Variants in UNC45A observed in about 807,000 individuals in gnomAD.
UNC45A encodes the protein unc-45 myosin chaperone A.
A neutral mutation model predicts 103.2 loss-of-function variants in UNC45A; 78 were observed. That is an observed-to-expected ratio of 0.76 (90% CI 0.63 to 0.91). The LOEUF is 0.91. UNC45A is among the 40% of genes least tolerant of loss of function. UNC45A has a pLI of 0.00. For synonymous variants in UNC45A, 495 were observed against 504.6 expected, an observed-to-expected ratio of 0.98 and a Z score of 0.25; for missense variants, 1,193 against 1,224.8, an observed-to-expected ratio of 0.97 and a Z score of 0.39.
chr15:90,937,487 A>ATTTTTT (rs768059313), intron 4 of UNC45A, among the ~76,000 whole-genome samples: 2 of 148,728 alleles, frequency 1.3e-5, no homozygotes, highest in Non-Finnish European at 3.0e-5. Flanking sequence ...AAGGAAAATA[A>ATTTTTT]TTGTTTTTTT....
intron 8 of UNC45A, 135 bp from the exon 9 acceptor site, chr15:90,944,757 G>A: frequency 1.9e-6 from 2 of 1,039,980 alleles, no homozygotes; most frequent in Non-Finnish European, 2.7e-6. Context: ...GATTCTCCGG[G>A]CTGCCCTGGA....
intron 4 of UNC45A, among the ~76,000 whole-genome samples, chr15:90,939,347 G>A (rs144973028): frequency 2.6e-5 from 4 of 152,196 alleles, no homozygotes; most frequent in Admixed American, 6.5e-5. Flanking sequence ...ACTACCTCAC[G>A]ATCTGCCAGC....
At chr15:90,933,160 A>T (rs2035864304), upstream of UNC45A, 1 of 152,274 alleles carries the variant, frequency 6.6e-6, no homozygotes, top group Non-Finnish European at 1.5e-5. Flanking sequence ...GCTCCCAGGT[A>T]GCTGTGACGT....
At chr15:90,949,180 G>C (rs1408197972) in intron 13 of UNC45A, 136 bp from the exon 14 acceptor site, 2 of 1,304,058 alleles carry the variant, frequency 1.5e-6, no homozygotes, top group African/African-American at 2.9e-5. Context: ...CCAGCCAACA[G>C]CCTCCCTTTT....
chr15:90,949,286 G>A, intron 13 of UNC45A, 30 bp from the exon 14 acceptor site: 1 of 1,605,098 alleles, frequency 6.2e-7, no homozygotes, highest in Non-Finnish European at 8.5e-7. Flanking sequence ...GTCAGCCTAG[G>A]CCCCTCTCCT....
chr15:90,950,386 GGAGGACA>G, intron 16 of UNC45A, 107 bp from the exon 17 acceptor site: 1 of 1,464,510 alleles, frequency 6.8e-7, no homozygotes. Context: ...CCTGGGGCAG[GGAGGACA>G]GCCTGAGACA....
intron 17 of UNC45A, among the ~76,000 whole-genome samples, chr15:90,951,089 C>T (rs528853652): frequency 6.6e-6 from 1 of 152,276 alleles, no homozygotes; most frequent in African/African-American, 2.4e-5. Context: ...CTCACCGCAA[C>T]CTCTGCCTCC....
At chr15:90,932,008 C>T, upstream of UNC45A, 1 of 1,613,894 alleles carries the variant, frequency 6.2e-7, no homozygotes, top group Non-Finnish European at 8.5e-7. Context: ...CTGAATGGGG[C>T]CCCTAATCCC....
At chr15:90,950,725 C>T (rs556705616) in intron 17 of UNC45A, 110 bp downstream of exon 17, 2 of 1,053,766 alleles carry the variant, frequency 1.9e-6, no homozygotes, top group East Asian at 5.2e-5. Flanking sequence ...TTCTGTGAGC[C>T]TCACAGTGAC....
At chr15:90,931,619 G>A (rs1457340614), upstream of UNC45A, 4 of 1,613,698 alleles carry the variant, frequency 2.5e-6, no homozygotes, top group Non-Finnish European at 3.4e-6. Flanking sequence ...GAATGCCCAG[G>A]GTTTTTCAGG....
In UNC45A at chr15:90,942,906, T is replaced by C. The variant is rs200003513; in HGVS notation, c.857-6T>C. 176 of 1,600,388 alleles carry C rather than the reference T, an allele frequency of 1.1e-4. 1 individual carries two copies. In the South Asian group the frequency reaches 1.1e-3, roughly 10 times the overall value. ...GAGCCCACTGATGTCTTCTTGTTGTTGCCAGATCCTGCCCGGGAGCTGAAG... is the reference window on the plus strand; with the variant it reads ...GAGCCCACTGATGTCTTCTTGTTGTCGCCAGATCCTGCCCGGGAGCTGAAG... On this transcript the variant is annotated splice_region_variant and splice_polypyrimidine_tract_variant and intron_variant, in intron 7 of 19. Transcript: ENST00000418476.
At position 90,936,316 on chromosome 15, in the gene UNC45A, ACT is replaced by A; in HGVS notation, c.285_286del (p.Tyr96ProfsTer18). ...IEKDGGDVKA[L>X]YRRSQALEKL... is the part of the protein sequence containing the mutation. ...AAAAGGATGGTGGGGATGTCAAAGC[ACT>A]CTACCGGCGGAGCCAAGCCCTAGAG... On this transcript the variant is annotated frameshift_variant, in exon 4 of 20. Transcript: ENST00000418476. LOFTEE classifies it high-confidence loss of function. 6.2e-7 allele frequency: 1 copy of A among 1,613,566 alleles called. No homozygotes were observed. Among genetic ancestry groups the A allele is most frequent in the Non-Finnish European group, 8.5e-7 (1 of 1,179,846 alleles).
chr15:90,936,124 T>C lies in UNC45A; in HGVS notation c.250+142T>C, dbSNP rs1424339246. ...TTTCTTTCCCACTGCCTCGGGCCTT[T>C]CCTTTTCTGCAGCTACCCTCACCTT... On this transcript the variant is annotated intron_variant, in intron 3 of 19. Transcript: ENST00000418476. The C allele has an allele frequency of 6.0e-6, 9 of 1,509,352 alleles. No individual in the cohort carries two copies. In the East Asian group the frequency reaches 1.9e-4, roughly 31 times the overall value. The allele number at this position is 1,509,352 out of a possible 1,614,324, so 93.5% of individuals were successfully genotyped here.
chr15:90,943,986 GTTTTT>G (rs953436599), intron 8 of UNC45A, among the ~76,000 whole-genome samples: 4 of 78,320 alleles, frequency 5.1e-5, no homozygotes, highest in African/African-American at 1.0e-4. Flanking sequence ...ATTGTGCCCT[GTTTTT>G]TTTTTTTTTT....
upstream of UNC45A, chr15:90,934,708 G>A (rs2035916346): frequency 2.5e-6 from 1 of 398,104 alleles, no homozygotes; most frequent in South Asian, 1.4e-4. Flanking sequence ...CAATTACAAA[G>A]GAGAAGTTCA....
Position 90,953,241 on chromosome 15 carries a change from G to A in UNC45A, c.2508G>A (p.Arg836=). Residue 836 remains arginine, a synonymous_variant, in exon 19 of 20, where the codon CGG becomes CGA. Transcript: ENST00000418476. ...GAGAGGATGATGAGCTGCTACAGCGGGCAGCTGCCGGGGGCTTGGCCATGC... is the reference window on the plus strand; with the variant it reads ...GAGAGGATGATGAGCTGCTACAGCGAGCAGCTGCCGGGGGCTTGGCCATGC... ...YSGEDDELLQ[R]AAAGGLAMLT... is the part of the protein sequence containing the mutation. 6.2e-7 allele frequency: 1 copy of A among 1,613,716 alleles called. No individual in the cohort carries two copies.
At chr15:90,932,480 G>GC, upstream of UNC45A, 2 of 1,311,340 alleles carry the variant, frequency 1.5e-6, no homozygotes, top group Non-Finnish European at 9.7e-7. Flanking sequence ...CGCCGCTGCT[G>GC]CCGGTGCTTG....
chr15:90,947,465 G>T (rs1235523461), intron 10 of UNC45A: 3 of 354,892 alleles, frequency 8.5e-6, no homozygotes, highest in Non-Finnish European at 1.6e-5. Context: ...CTCCCCACAT[G>T]CCTCTCAACT....
chr15:90,943,986 GTTTTTTTTTT>G (rs953436599), intron 8 of UNC45A, among the ~76,000 whole-genome samples: 9 of 78,320 alleles, frequency 1.1e-4, no homozygotes, highest in South Asian at 1.2e-3. Context: ...ATTGTGCCCT[GTTTTTTTTTT>G]TTTTTTTTTT....
Sources: gnomAD v4.1 joint callset for allele counts (sites outside exome capture counted in the v4.1 genomes callset) on GRCh38, gnomAD v4.1.1 for gene constraint, MANE v1.5 for transcripts, NCBI Gene and HGNC (gene_info 2026-07-23, HGNC 2026-07-21) for gene names.